Variants in HCN1 observed in about 807,000 individuals in gnomAD.
HCN1 encodes the protein hyperpolarization activated cyclic nucleotide gated potassium channel 1, also known as potassium/sodium hyperpolarization-activated cyclic nucleotide-gated channel 1.
Under a neutral mutation model 78.9 loss-of-function variants are expected in HCN1, and 13 were observed. The observed-to-expected ratio is 0.16, with a 90% CI of 0.11 to 0.26. The LOEUF (loss-of-function observed/expected upper bound fraction) is 0.26, where lower values mean the gene tolerates loss of function less well. HCN1 is among the 10% of genes least tolerant of loss of function. HCN1 has a pLI of 1.00. For synonymous variants in HCN1, 552 were observed against 455.5 expected, an observed-to-expected ratio of 1.21 and a Z score of -2.70; for missense variants, 810 against 1,154.3, an observed-to-expected ratio of 0.70 and a Z score of 4.32.
intron 2 of HCN1, among the ~76,000 whole-genome samples, chr5:45,497,945 C>A (rs867689088): frequency 6.6e-6 from 1 of 152,076 alleles, no homozygotes; most frequent in Non-Finnish European, 1.5e-5. Context: ...GAGTTTCTGC[C>A]GAGAGATCCG....
chr5:45,605,843 A>T (rs1420095299), intron 2 of HCN1, among the ~76,000 whole-genome samples: 1 of 152,064 alleles, frequency 6.6e-6, no homozygotes, highest in Non-Finnish European at 1.5e-5. Flanking sequence ...TCACCTGTGA[A>T]GATTAAAAAA....
chr5:45,317,242 G>C (rs1213227669), intron 5 of HCN1, among the ~76,000 whole-genome samples: 1 of 152,018 alleles, frequency 6.6e-6, no homozygotes, highest in Non-Finnish European at 1.5e-5. Flanking sequence ...GAACAGAACA[G>C]AGCCCTCAGA....
chr5:45,360,086 A>G (rs1183589981), intron 4 of HCN1, among the ~76,000 whole-genome samples: 2 of 151,250 alleles, frequency 1.3e-5, no homozygotes, highest in Admixed American at 1.3e-4. Flanking sequence ...AATAAATAAT[A>G]AATAGTAATT....
intron 5 of HCN1, among the ~76,000 whole-genome samples, 194 bp downstream of exon 5, chr5:45,352,906 T>TA (rs1746941551): frequency 6.6e-6 from 1 of 152,072 alleles, no homozygotes; most frequent in Non-Finnish European, 1.5e-5. Context: ...CTGAGGATCA[T>TA]AAATAGAACA....
intron 2 of HCN1, among the ~76,000 whole-genome samples, chr5:45,600,263 G>A (rs1193280976): frequency 6.6e-6 from 1 of 151,942 alleles, no homozygotes; most frequent in Admixed American, 6.6e-5. Context: ...AAAGAGACAG[G>A]TGAGTTCTGA....
intron 2 of HCN1, among the ~76,000 whole-genome samples, chr5:45,610,241 G>A (rs1443076749): frequency 6.6e-6 from 1 of 151,972 alleles, no homozygotes; most frequent in East Asian, 1.9e-4. Context: ...AAATAGCCAT[G>A]AGAATGTAAG....
At chr5:45,366,164 TTGTGTGTGTG>T (rs10642474) in intron 4 of HCN1, among the ~76,000 whole-genome samples, 3 of 146,898 alleles carry the variant, frequency 2.0e-5, no homozygotes, top group South Asian at 2.2e-4. Context: ...ATTATAGCAT[TTGTGTGTGTG>T]TGTGTGTGTG....
At chr5:45,404,885 A>G (rs1276039571) in intron 3 of HCN1, among the ~76,000 whole-genome samples, 1 of 151,978 alleles carries the variant, frequency 6.6e-6, no homozygotes, top group African/African-American at 2.4e-5. Flanking sequence ...AGGGGGCCAA[A>G]ACTTTCCATT....
intron 4 of HCN1, among the ~76,000 whole-genome samples, chr5:45,391,900 C>A (rs1208292144): frequency 1.3e-5 from 2 of 152,052 alleles, no homozygotes; most frequent in African/African-American, 4.8e-5. Flanking sequence ...AACATTCCCA[C>A]AGCCTTCCAA....
At chr5:45,679,579 T>C (rs1326203475) in intron 1 of HCN1, among the ~76,000 whole-genome samples, 1 of 152,074 alleles carries the variant, frequency 6.6e-6, no homozygotes. Context: ...TCACACAGCG[T>C]ATTTTGTGAA....
At position 45,556,039 on chromosome 5, in the gene HCN1, C is replaced by T. The variant is rs547201393; in HGVS notation, c.849+89146G>A. On this transcript the variant is annotated intron_variant, in intron 2 of 7. Transcript: ENST00000303230. ...AATGAAACTAGATCCCTATTTCTCACCATATACAAAAGTCAAATCAAAATG... is the reference window on the plus strand; with the variant it reads ...AATGAAACTAGATCCCTATTTCTCATCATATACAAAAGTCAAATCAAAATG... Among the ~76,000 whole-genome samples the T allele has an allele frequency of 1.3e-4, 20 of 152,028 alleles. No homozygotes were observed. The South Asian group carries it at 2.9e-3, about 22-fold the overall frequency.
At chr5:45,345,904 T>C (rs1305564634) in intron 5 of HCN1, among the ~76,000 whole-genome samples, 2 of 152,222 alleles carry the variant, frequency 1.3e-5, no homozygotes, top group Non-Finnish European at 1.5e-5. Context: ...TAGCCTGTTC[T>C]CATGCTGCTA....
chr5:45,519,842 T>C (rs114450263), intron 2 of HCN1, among the ~76,000 whole-genome samples: 1,827 of 152,044 alleles, frequency 0.012, 29 homozygotes, highest in African/African-American at 0.042. Flanking sequence ...TCTTATTTGT[T>C]AAACATAAAA....
rs576950180 is a variant in HCN1 at position 45,517,460 on chromosome 5, A to G, written c.850-55453T>C. Among the ~76,000 whole-genome samples, 3 of 148,622 alleles carry G rather than the reference A, an allele frequency of 2.0e-5. No homozygotes were observed. The East Asian group carries it at 6.0e-4, about 30-fold the overall frequency. ...CAAAAAGATATTTTCCTACGTATAC[A>G]TTATCACATAGCCTCAAATCTGATC... On this transcript the variant is annotated intron_variant, in intron 2 of 7. Transcript: ENST00000303230.
At chr5:45,281,767 G>T (rs973920712) in intron 6 of HCN1, among the ~76,000 whole-genome samples, 34 of 150,542 alleles carry the variant, frequency 2.3e-4, no homozygotes, top group African/African-American at 7.8e-4. Flanking sequence ...ATTTTTTTTT[G>T]TATTTTAGTA....
intron 2 of HCN1, among the ~76,000 whole-genome samples, chr5:45,522,000 C>T (rs1237768190): frequency 6.6e-6 from 1 of 151,848 alleles, no homozygotes; most frequent in South Asian, 2.1e-4. Context: ...CAGTTTAAAT[C>T]GTTCTTAAAT....
chr5:45,652,980 T>C (rs908489878), intron 1 of HCN1, among the ~76,000 whole-genome samples: 2 of 152,092 alleles, frequency 1.3e-5, no homozygotes, highest in Non-Finnish European at 2.9e-5. Flanking sequence ...CTACCTGCCC[T>C]AGTAAATTGC....
chr5:45,402,027 G>A (rs904271734), intron 3 of HCN1, among the ~76,000 whole-genome samples: 4 of 152,086 alleles, frequency 2.6e-5, no homozygotes, highest in Non-Finnish European at 4.4e-5. Flanking sequence ...GTTTGATGGG[G>A]AGTAGGAGTA....
intron 1 of HCN1, among the ~76,000 whole-genome samples, chr5:45,664,551 T>C (rs1385892992): frequency 6.6e-6 from 1 of 150,576 alleles, no homozygotes; most frequent in East Asian, 1.9e-4. Flanking sequence ...CCTACTCATC[T>C]GACAAAGGGC....
Sources: gnomAD v4.1 joint callset for allele counts (sites outside exome capture counted in the v4.1 genomes callset) on GRCh38, gnomAD v4.1.1 for gene constraint, MANE v1.5 for transcripts, NCBI Gene and HGNC (gene_info 2026-07-23, HGNC 2026-07-21) for gene names.